The following RPL18A variants were observed in gnomAD, a reference collection of about 807,000 sequenced individuals.
The protein encoded by RPL18A is ribosomal protein L18a.
For missense variants in RPL18A, 163 were observed against 254.1 expected, an observed-to-expected ratio of 0.64 and a Z score of 2.44; for synonymous variants, 122 against 96.9, an observed-to-expected ratio of 1.26 and a Z score of -1.52.
intron 1 of RPL18A, chr19:17,860,634 T>C (rs1474797942): frequency 6.6e-6 from 1 of 152,542 alleles, no homozygotes; most frequent in African/African-American, 2.4e-5. Context: ...TTTTCATTGA[T>C]AACTAGTGAA....
chr19:17,860,458 T>C (rs1892669120), intron 1 of RPL18A: 1 of 158,662 alleles, frequency 6.3e-6, no homozygotes, highest in East Asian at 1.8e-4. Context: ...GGCGCAGAGA[T>C]AGGAGAACCT....
Position 17,863,156 on chromosome 19 carries a change from C to T in RPL18A, c.439-15C>T, listed in dbSNP as rs1391451877. On this transcript the variant is annotated splice_polypyrimidine_tract_variant and intron_variant, in intron 4 of 4. Transcript: ENST00000222247. ...GAGGCTTCCAACCCCCTCAACATGC[C>T]TCCCTTCCTCACAGGACTCCAAGAT... 2 of 1,609,386 alleles carry T rather than the reference C, an allele frequency of 1.2e-6. No homozygotes were observed. Among genetic ancestry groups the T allele is most frequent in the Non-Finnish European group, 1.7e-6 (2 of 1,176,038 alleles).
At chr19:17,860,970 C>T (rs946574721) in intron 1 of RPL18A, 18 of 331,384 alleles carry the variant, frequency 5.4e-5, no homozygotes, top group Middle Eastern at 8.6e-4. Context: ...GACTGCAAAG[C>T]AATTCAGGAC....
intron 1 of RPL18A, chr19:17,860,915 G>C (rs970702933): frequency 2.1e-5 from 5 of 235,440 alleles, no homozygotes; most frequent in African/African-American, 6.9e-5. Context: ...GGTGAAAGAA[G>C]ATGTTGGCTG....
At chr19:17,860,752 G>A (rs1052309052) in intron 1 of RPL18A, 1 of 156,620 alleles carries the variant, frequency 6.4e-6, no homozygotes, top group Admixed American at 6.2e-5. Flanking sequence ...TCTTCCCTGG[G>A]CCAAACGTTT....
At chr19:17,860,056 G>C (rs2094274276) in intron 1 of RPL18A, 82 bp downstream of exon 1, 1 of 1,287,644 alleles carries the variant, frequency 7.8e-7, no homozygotes, top group African/African-American at 1.6e-5. Flanking sequence ...CGTGGGCCGG[G>C]TTGGTGCCGC....
chr19:17,863,124 G>T (rs775242123), intron 4 of RPL18A, 47 bp from the exon 5 acceptor site: 1 of 1,559,842 alleles, frequency 6.4e-7, no homozygotes, highest in East Asian at 2.2e-5. Flanking sequence ...ACAGGATGGG[G>T]TGTTAAGAGG....
chr19:17,861,982 A>C, intron 2 of RPL18A, 112 bp from the exon 3 acceptor site: 1 of 1,264,802 alleles, frequency 7.9e-7, no homozygotes, highest in Non-Finnish European at 1.1e-6. Context: ...GTCTGGCCAT[A>C]GAGTAGGCCT....
intron 1 of RPL18A, 29 bp downstream of exon 1, chr19:17,860,003 C>G: frequency 6.6e-7 from 1 of 1,509,620 alleles, no homozygotes; most frequent in Non-Finnish European, 8.8e-7. Flanking sequence ...GGCAGGGGGC[C>G]AAGGGATGGG....
intron 1 of RPL18A, 91 bp downstream of exon 1, chr19:17,860,065 G>A: frequency 8.1e-7 from 1 of 1,227,728 alleles, no homozygotes; most frequent in Non-Finnish European, 1.1e-6. Context: ...GGTTGGTGCC[G>A]CGCGCTTCTG....
Position 17,862,625 on chromosome 19 carries a change from G to A in RPL18A, c.329-293G>A, listed in dbSNP as rs202074736. ...CCCAAGAATCACTGTTTCTTATAGC[G>A]GTGGTTTAAACAGAGGTGCAAACAG... On this transcript the variant is annotated intron_variant, in intron 3 of 4. Coordinates refer to ENST00000222247, the MANE Select transcript of RPL18A (RefSeq NM_000980.4). The A allele has an allele frequency of 8.3e-4, 599 of 720,612 alleles. 10 individuals are homozygous for A. Among genetic ancestry groups the A allele is most frequent in the Non-Finnish European group, 1.7e-4 (67 of 389,898 alleles). The allele number at this position is 720,612 out of a possible 1,614,324, so 44.6% of individuals were successfully genotyped here. A position where few individuals can be genotyped will look rare whatever the true frequency, so the allele number is the denominator to read the frequency against.
rs1206182653 is a variant in RPL18A, at chr19:17,861,361, C to A, written c.87C>A (p.Arg29=). 1.2e-6 allele frequency: 2 copies of A among 1,613,078 alleles called. No homozygotes were observed. The highest frequency in any genetic ancestry group is 1.7e-5 in the Admixed American group (1 of 59,976). The stretch of plus-strand genomic sequence containing the variant: ...AATGCCACACGCCGCCCCTCTACCG[C>A]ATGCGAATCTTTGCGCCTAATCATG... ...TPKCHTPPLY[R]MRIFAPNHVV... is the part of the protein sequence containing the mutation. The change falls in exon 2 of 5, where the codon CGC becomes CGA. Residue 29 remains arginine, a synonymous_variant. Transcript: ENST00000222247.
chr19:17,860,082 C>A, intron 1 of RPL18A, 108 bp downstream of exon 1: 2 of 995,476 alleles, frequency 2.0e-6, no homozygotes, highest in Non-Finnish European at 2.8e-6. Context: ...TCTGTTTGGG[C>A]CCCCCTTGGC....
chr19:17,860,117 C>A, intron 1 of RPL18A, 143 bp downstream of exon 1: 1 of 684,422 alleles, frequency 1.5e-6, no homozygotes, highest in Non-Finnish European at 2.3e-6. Context: ...TCTTGTTGCA[C>A]CCAACATGGC....
In RPL18A at chr19:17,863,008, C is replaced by A; in HGVS notation, c.419C>A (p.Pro140Gln). 6.2e-7 allele frequency: 1 copy of A among 1,611,850 alleles called. No individual in the cohort carries two copies. The highest frequency in any genetic ancestry group is 8.5e-7 in the Non-Finnish European group (1 of 1,178,800). The change falls in exon 4 of 5, where the codon CCG becomes CAG. Residue 140 changes from proline to glutamine, a missense_variant. By Grantham distance (76) the Pro-to-Gln change is moderately conservative. Transcript: ENST00000222247. ...EEIAASKCRRPAVKQFHDSKI... is the reference protein window; with the variant it reads ...EEIAASKCRRQAVKQFHDSKI... ...ATCGCGGCCAGCAAGTGCCGCCGGC[C>A]GGCTGTCAAGCAGTTCCACGTGAGT...
intron 2 of RPL18A, 168 bp from the exon 3 acceptor site, chr19:17,861,926 T>C (rs1194915196): frequency 1.3e-6 from 1 of 740,842 alleles, no homozygotes; most frequent in East Asian, 2.8e-5. Context: ...TCACGCTCCC[T>C]GAGGATGCCT....
rs373360732 is a variant in RPL18A, at chr19:17,860,857, T to C, written c.19-436T>C. The C allele has an allele frequency of 7.5e-4, 139 of 186,066 alleles. 3 individuals carry two copies. In the South Asian group the frequency reaches 0.012, roughly 16 times the overall value. 11.5% of individuals were successfully genotyped at this position (186,066 alleles called of 1,614,324 possible). ...GAGAGACCTGAGGTCTTGTCCTAGT[T>C]CTGCCTGGAATGGGCTGTGAGATCC... On this transcript the variant is annotated intron_variant, in intron 1 of 4. Transcript: ENST00000222247.
chr19:17,863,312 C>A lies in RPL18A; in HGVS notation c.*49C>A. 7.8e-7 allele frequency: 1 copy of A among 1,275,110 alleles called. No homozygotes were observed. Among genetic ancestry groups the A allele is most frequent in the Non-Finnish European group, 1.1e-6 (1 of 890,800 alleles). 79.0% of individuals were successfully genotyped at this position (1,275,110 alleles called of 1,614,324 possible). ...GCCCCAAATAAACTCAGGAACGCCC[C>A]GGTGCTCGCCGCATGTTTTCTTTGC... On this transcript the variant is annotated 3_prime_UTR_variant, in exon 5 of 5. Coordinates refer to ENST00000222247, the MANE Select transcript of RPL18A (RefSeq NM_000980.4).
rs557083635 is a variant in RPL18A, at chr19:17,862,709, G to A, written c.329-209G>A. ...CCGTGCCCCTCAAAGTGAATTTGGA[G>A]GTTCCACAACTCTAGTGGCCAGTGA... On this transcript the variant is annotated intron_variant, in intron 3 of 4. Transcript: ENST00000222247. 10 of 761,360 alleles carry A rather than the reference G, an allele frequency of 1.3e-5. No individual in the cohort carries two copies. In the African/African-American group the frequency reaches 1.5e-4, roughly 12 times the overall value. 47.2% of individuals were successfully genotyped at this position (761,360 alleles called of 1,614,324 possible).
Sources: gnomAD v4.1 joint callset for allele counts on GRCh38, gnomAD v4.1.1 for gene constraint, MANE v1.5 for transcripts, NCBI Gene and HGNC (gene_info 2026-07-23, HGNC 2026-07-21) for gene names.